The following LRRTM4 variants were observed in gnomAD, a reference collection of about 807,000 sequenced individuals.
LRRTM4 encodes leucine-rich repeat transmembrane neuronal protein 4.
LRRTM4 carries 25 observed loss-of-function variants against 47.6 expected under a neutral mutation model. The ratio of observed to expected loss-of-function variants is 0.53; its 90% CI spans 0.38 to 0.73. The LOEUF is 0.73. Among genes scored for constraint, LRRTM4 ranks in the 30% least tolerant of loss-of-function variants. The pLI is 0.00. For missense variants in LRRTM4, 638 were observed against 713.4 expected (o/e 0.89, Z 1.20); for synonymous variants, 311 against 269.5 (o/e 1.15, Z -1.51).
In LRRTM4 at chr2:77,450,430, A is replaced by G. The variant is rs1008994649; in HGVS notation, c.1551+67888T>C. On this transcript the variant is annotated intron_variant, in intron 3 of 3. Coordinates refer to ENST00000409884, the MANE Select transcript of LRRTM4 (RefSeq NM_001134745.3). ...TATACTTGAAATCCATTAGTCTCCA[A>G]CTTAAACCTAAATTTCAATCTTTAG... Among the ~76,000 whole-genome samples, 6 of 152,270 alleles carry G rather than the reference A, an allele frequency of 3.9e-5. No homozygotes were observed. In the South Asian group the frequency reaches 6.2e-4, roughly 16 times the overall value.
chr2:77,010,383 A>G lies in LRRTM4; in HGVS notation c.1552-261467T>C, dbSNP rs181461554. 1.0e-3 allele frequency among the ~76,000 whole-genome samples: 155 copies of G among 151,778 alleles called. 2 individuals are homozygous for G. The East Asian group carries it at 0.019, about 18-fold the overall frequency. On this transcript the variant is annotated intron_variant, in intron 3 of 3. Coordinates refer to ENST00000409884, the MANE Select transcript of LRRTM4 (RefSeq NM_001134745.3). ...TTCCATATGTAAATGAGATTATGCA[A>G]TATTTGTTTTTCTGTGCCTGGCTTC...
At chr2:77,149,046 A>C (rs868206264) in intron 3 of LRRTM4, among the ~76,000 whole-genome samples, 55 of 152,310 alleles carry the variant, frequency 3.6e-4, no homozygotes, top group African/African-American at 1.3e-3. Context: ...CTTTGTCTAT[A>C]TTCACACCAT....
chr2:77,101,693 A>G (rs551231076), intron 3 of LRRTM4, among the ~76,000 whole-genome samples: 2 of 152,330 alleles, frequency 1.3e-5, no homozygotes, highest in East Asian at 1.9e-4. Flanking sequence ...AAATTTCCAC[A>G]TATGGATTCA....
intron 3 of LRRTM4, among the ~76,000 whole-genome samples, chr2:77,099,439 CTA>C (rs930612233): frequency 2.0e-5 from 3 of 151,776 alleles, no homozygotes; most frequent in South Asian, 2.1e-4. Flanking sequence ...TTTAAGGAGA[CTA>C]TATATATTTG....
At chr2:77,311,308 G>A (rs2104197997) in intron 3 of LRRTM4, among the ~76,000 whole-genome samples, 1 of 152,180 alleles carries the variant, frequency 6.6e-6, no homozygotes, top group Non-Finnish European at 1.5e-5. Context: ...AGTTGAATTT[G>A]AATGCATTTT....
At chr2:77,037,186 A>G (rs55864802) in intron 3 of LRRTM4, among the ~76,000 whole-genome samples, 30,935 of 151,638 alleles carry the variant, frequency 0.2, 3,353 homozygotes, top group Admixed American at 0.27. Flanking sequence ...TATCCATTAT[A>G]TATGTCTATA....
At chr2:76,834,464 T>C (rs1438312880) in intron 3 of LRRTM4, among the ~76,000 whole-genome samples, 1 of 152,028 alleles carries the variant, frequency 6.6e-6, no homozygotes, top group Non-Finnish European at 1.5e-5. Context: ...AATAGCTCCT[T>C]TGTATTTGTA....
At chr2:77,125,435 T>C (rs965305092) in intron 3 of LRRTM4, among the ~76,000 whole-genome samples, 17 of 152,172 alleles carry the variant, frequency 1.1e-4, no homozygotes, top group Admixed American at 4.6e-4. Flanking sequence ...AAGACTGGCA[T>C]GCATTTGATA....
At chr2:76,795,939 CGCAG>C (rs1558658856) in intron 3 of LRRTM4, among the ~76,000 whole-genome samples, 13 of 151,262 alleles carry the variant, frequency 8.6e-5, no homozygotes, top group Non-Finnish European at 1.9e-4. Flanking sequence ...AGACAGTGGG[CGCAG>C]GTCAGTGGGT....
intron 3 of LRRTM4, among the ~76,000 whole-genome samples, chr2:77,240,729 C>A (rs990083630): frequency 1.3e-5 from 2 of 151,878 alleles, no homozygotes; most frequent in African/African-American, 2.4e-5. Context: ...GTTAAAAGGT[C>A]AATGTATCAA....
chr2:76,903,099 C>T (rs1359813156), intron 3 of LRRTM4, among the ~76,000 whole-genome samples: 2 of 152,258 alleles, frequency 1.3e-5, no homozygotes, highest in East Asian at 1.9e-4. Context: ...TGGCCTGGCA[C>T]AGTGGCTCGT....
At chr2:77,171,965 T>C (rs1228611643) in intron 3 of LRRTM4, among the ~76,000 whole-genome samples, 1 of 152,140 alleles carries the variant, frequency 6.6e-6, no homozygotes, top group East Asian at 1.9e-4. Context: ...ATGAATCATA[T>C]GTACTCACAT....
At chr2:77,050,741 TCCAAA>T (rs1474996986) in intron 3 of LRRTM4, among the ~76,000 whole-genome samples, 1 of 152,134 alleles carries the variant, frequency 6.6e-6, no homozygotes, top group Non-Finnish European at 1.5e-5. Context: ...ACTTAACCTC[TCCAAA>T]CCACTCTTTC....
At chr2:77,247,824 A>G (rs1369896265) in intron 3 of LRRTM4, among the ~76,000 whole-genome samples, 1 of 151,928 alleles carries the variant, frequency 6.6e-6, no homozygotes, top group Admixed American at 6.6e-5. Context: ...GTGAATTAGT[A>G]TTTTGCAATT....
chr2:77,268,541 C>G (rs559517170), intron 3 of LRRTM4, among the ~76,000 whole-genome samples: 3 of 152,224 alleles, frequency 2.0e-5, no homozygotes, highest in Admixed American at 2.0e-4. Context: ...CTTGCCTTAC[C>G]TCCAATCCAT....
rs200576093 is a variant in LRRTM4, at chr2:77,090,423, G to A, written c.1552-341507C>T. Among the ~76,000 whole-genome samples, 793 of 152,140 alleles carry A rather than the reference G, an allele frequency of 5.2e-3. 3 individuals carry two copies. The highest frequency in any genetic ancestry group is 9.3e-3 in the Non-Finnish European group (633 of 68,022). On this transcript the variant is annotated intron_variant, in intron 3 of 3. Transcript: ENST00000409884. ...CAAAATACATTTTATTACCCAATCT[G>A]CTCCCGACATTAAATAAAACTCCAA...
At position 77,347,567 on chromosome 2, in the gene LRRTM4, TGTA is replaced by T. The variant is rs570121603; in HGVS notation, c.1551+170748_1551+170750del. On this transcript the variant is annotated intron_variant, in intron 3 of 3. Coordinates refer to ENST00000409884, the MANE Select transcript of LRRTM4 (RefSeq NM_001134745.3). ...CCAAAATAATATTTCTCAAATTATC[TGTA>T]GTGACAGATTAGTTGTGTTTTTTAA... is the stretch of plus-strand genomic sequence containing the variant. 2.6e-4 allele frequency among the ~76,000 whole-genome samples: 40 copies of T among 152,278 alleles called. No individual in the cohort carries two copies. In the East Asian group the frequency reaches 7.5e-3, roughly 29 times the overall value.
chr2:77,308,778 G>C (rs1281267439), intron 3 of LRRTM4, among the ~76,000 whole-genome samples: 1 of 116,426 alleles, frequency 8.6e-6, no homozygotes, highest in Non-Finnish European at 1.8e-5. Context: ...CTTTTGTTCT[G>C]TTTTATTTGG....
At chr2:76,795,863 G>T (rs143913905) in intron 3 of LRRTM4, among the ~76,000 whole-genome samples, 3 of 151,944 alleles carry the variant, frequency 2.0e-5, no homozygotes, top group South Asian at 2.1e-4. Flanking sequence ...CAGCGTGAGC[G>T]ACGCAGAAGA....
Sources: gnomAD v4.1 joint callset for allele counts (sites outside exome capture counted in the v4.1 genomes callset) on GRCh38, gnomAD v4.1.1 for gene constraint, MANE v1.5 for transcripts, NCBI Gene and HGNC (gene_info 2026-07-23, HGNC 2026-07-21) for gene names.